The following LRRC4C variants were observed in gnomAD, a reference collection of about 807,000 sequenced individuals.
LRRC4C encodes leucine rich repeat containing 4C, also known as leucine-rich repeat-containing protein 4C.
In LRRC4C, 5 loss-of-function variants were observed where a neutral mutation model predicts 33.6. That is an observed-to-expected ratio of 0.15 (90% CI 0.08 to 0.31). The LOEUF (loss-of-function observed/expected upper bound fraction) is 0.31, where lower values mean the gene tolerates loss of function less well. LRRC4C is among the 10% of genes least tolerant of loss of function. LRRC4C has a pLI of 1.00. For synonymous variants in LRRC4C, 329 were observed against 302.0 expected (o/e 1.09, Z -0.93); for missense variants, 560 against 796.7 (o/e 0.70, Z 3.58).
chr11:40,825,316 T>C (rs1018068844), intron 2 of LRRC4C, among the ~76,000 whole-genome samples: 1 of 151,850 alleles, frequency 6.6e-6, no homozygotes, highest in Admixed American at 6.6e-5. Context: ...TTACTGAAGG[T>C]CCAGACGATT....
At chr11:41,007,260 G>A (rs1592319778) in intron 1 of LRRC4C, among the ~76,000 whole-genome samples, 1 of 151,662 alleles carries the variant, frequency 6.6e-6, no homozygotes, top group Middle Eastern at 3.4e-3. Flanking sequence ...AGGATAAACA[G>A]GCAGTTTAAT....
chr11:40,929,280 A>G (rs1685726255), intron 2 of LRRC4C, among the ~76,000 whole-genome samples: 1 of 152,174 alleles, frequency 6.6e-6, no homozygotes, highest in Non-Finnish European at 1.5e-5. Flanking sequence ...AAAGTTTATC[A>G]AGGTCTAAAA....
intron 2 of LRRC4C, among the ~76,000 whole-genome samples, chr11:40,873,016 A>G (rs1954723385): frequency 6.6e-6 from 1 of 152,180 alleles, no homozygotes; most frequent in South Asian, 2.1e-4. Context: ...GATGAGGGGA[A>G]AAATATCTCA....
intron 2 of LRRC4C, among the ~76,000 whole-genome samples, chr11:40,781,987 T>C (rs985041595): frequency 2.6e-5 from 4 of 152,202 alleles, no homozygotes; most frequent in African/African-American, 9.7e-5. Context: ...AAAGAACCAT[T>C]AGCTTTCTGC....
At chr11:41,150,482 G>GA (rs747296265) in intron 1 of LRRC4C, among the ~76,000 whole-genome samples, 4 of 151,948 alleles carry the variant, frequency 2.6e-5, no homozygotes, top group Non-Finnish European at 5.9e-5. Flanking sequence ...TTTTTCTACT[G>GA]AAAACATAAT....
At chr11:40,303,379 A>G (rs1474099295) in intron 4 of LRRC4C, among the ~76,000 whole-genome samples, 2 of 152,040 alleles carry the variant, frequency 1.3e-5, no homozygotes, top group Non-Finnish European at 2.9e-5. Context: ...ATAATGAAGT[A>G]CTCCCTCAAA....
chr11:40,558,535 C>T (rs951068), intron 3 of LRRC4C, among the ~76,000 whole-genome samples: 15,897 of 152,148 alleles, frequency 0.1, 885 homozygotes, highest in Middle Eastern at 0.15. Flanking sequence ...AAAACTTCTA[C>T]TATCTACCCG....
intron 1 of LRRC4C, among the ~76,000 whole-genome samples, chr11:41,065,779 G>C (rs1938189322): frequency 6.6e-6 from 1 of 152,182 alleles, no homozygotes. Context: ...AACAGGGTCT[G>C]GAGTGGACCC....
intron 1 of LRRC4C, among the ~76,000 whole-genome samples, chr11:41,354,971 T>C (rs1952107629): frequency 6.6e-6 from 1 of 151,956 alleles, no homozygotes; most frequent in Non-Finnish European, 1.5e-5. Flanking sequence ...CCAAAAGCAA[T>C]TGCAACCGAA....
intron 2 of LRRC4C, among the ~76,000 whole-genome samples, chr11:40,750,415 C>G (rs1241687501): frequency 6.6e-6 from 1 of 151,902 alleles, no homozygotes; most frequent in African/African-American, 2.4e-5. Context: ...AGAAAACTAA[C>G]AATGATAGAC....
chr11:41,437,792 C>T (rs984926730), intron 1 of LRRC4C, among the ~76,000 whole-genome samples: 5 of 152,118 alleles, frequency 3.3e-5, no homozygotes, highest in African/African-American at 1.2e-4. Context: ...AATCCCAGCA[C>T]TTTGGAAAGA....
At chr11:40,772,152 T>C (rs994296344) in intron 2 of LRRC4C, among the ~76,000 whole-genome samples, 1 of 152,126 alleles carries the variant, frequency 6.6e-6, no homozygotes, top group African/African-American at 2.4e-5. Flanking sequence ...CCTTTCTGCA[T>C]GACTAGGGAG....
intron 1 of LRRC4C, among the ~76,000 whole-genome samples, chr11:40,993,877 G>T (rs903693104): frequency 1.3e-5 from 2 of 152,038 alleles, no homozygotes; most frequent in Non-Finnish European, 2.9e-5. Flanking sequence ...AGGATGACAG[G>T]GTAGGAAGTC....
intron 3 of LRRC4C, among the ~76,000 whole-genome samples, chr11:40,536,938 G>A (rs1956499205): frequency 6.6e-6 from 1 of 152,034 alleles, no homozygotes; most frequent in African/African-American, 2.4e-5. Flanking sequence ...TGGAATATTA[G>A]CTTCATGGGA....
intron 1 of LRRC4C, among the ~76,000 whole-genome samples, chr11:41,262,118 A>C (rs1467091621): frequency 6.6e-6 from 1 of 152,102 alleles, no homozygotes; most frequent in Non-Finnish European, 1.5e-5. Flanking sequence ...TTTATAACAA[A>C]TCTAGTGCAC....
At chr11:40,538,920 G>A (rs1240411952) in intron 3 of LRRC4C, among the ~76,000 whole-genome samples, 3 of 152,058 alleles carry the variant, frequency 2.0e-5, no homozygotes, top group Non-Finnish European at 4.4e-5. Context: ...TCATGTGTCT[G>A]TTGTCTGCAT....
Position 40,600,340 on chromosome 11 carries a change from T to G in LRRC4C, c.-270+47802A>C, listed in dbSNP as rs1358871627. On this transcript the variant is annotated intron_variant, in intron 3 of 6. Transcript: ENST00000528697. ...CTTTAACAAAAGAGTTAACTGAGGC[T>G]TACAGAGATTATGTCAACTGTCCAA... Among the ~76,000 whole-genome samples, 4 of 152,176 alleles carry G rather than the reference T, an allele frequency of 2.6e-5. No individual in the cohort carries two copies. The East Asian group carries it at 5.8e-4, about 22-fold the overall frequency.
chr11:40,560,898 G>A (rs763038359), intron 3 of LRRC4C, among the ~76,000 whole-genome samples: 6 of 152,114 alleles, frequency 3.9e-5, no homozygotes, highest in Non-Finnish European at 7.4e-5. Context: ...TTAAATGACA[G>A]AAATGAAACA....
chr11:40,398,074 AT>A (rs1949612483), intron 3 of LRRC4C, among the ~76,000 whole-genome samples: 1 of 151,998 alleles, frequency 6.6e-6, no homozygotes, highest in African/African-American at 2.4e-5. Flanking sequence ...AAAGGTGGCA[AT>A]TTTTGAGTAA....
Sources: gnomAD v4.1 joint callset for allele counts (sites outside exome capture counted in the v4.1 genomes callset) on GRCh38, gnomAD v4.1.1 for gene constraint, MANE v1.5 for transcripts, NCBI Gene and HGNC (gene_info 2026-07-23, HGNC 2026-07-21) for gene names.